Variants in MTHFD1L observed in about 807,000 individuals in gnomAD.
MTHFD1L encodes methylenetetrahydrofolate dehydrogenase (NADP+ dependent) 1 like, also known as monofunctional C1-tetrahydrofolate synthase, mitochondrial.
MTHFD1L carries 81 observed loss-of-function variants against 119.5 expected under a neutral mutation model. The observed-to-expected ratio is 0.68, with a 90% CI of 0.57 to 0.82. MTHFD1L has a LOEUF of 0.82. Ranked by LOEUF, MTHFD1L falls within the 40% of genes least tolerant of loss-of-function variation. The pLI, the probability that MTHFD1L is intolerant of heterozygous loss-of-function variation, is 0.00. For synonymous variants in MTHFD1L, 430 were observed against 475.2 expected (o/e 0.90, Z 1.24); for missense variants, 1,125 against 1,253.4 (o/e 0.90, Z 1.55).
chr6:150,966,802 C>T (rs1362750460), intron 19 of MTHFD1L, among the ~76,000 whole-genome samples: 3 of 152,018 alleles, frequency 2.0e-5, no homozygotes, highest in Admixed American at 6.6e-5. Context: ...CCAGCCTGGG[C>T]GACAGAGTGA....
intron 18 of MTHFD1L, among the ~76,000 whole-genome samples, chr6:150,961,089 C>CTTTTT (rs35978918): frequency 7.1e-5 from 8 of 113,410 alleles, no homozygotes; most frequent in Non-Finnish European, 1.3e-4. Context: ...TTCCTGTTAA[C>CTTTTT]TTTTTTTTTT....
At chr6:151,000,321 G>A (rs1186685496) in intron 20 of MTHFD1L, among the ~76,000 whole-genome samples, 13 of 148,882 alleles carry the variant, frequency 8.7e-5, no homozygotes, top group African/African-American at 3.2e-4. Context: ...TGGCAACAGG[G>A]AGAGACTCTG....
chr6:150,910,981 T>C (rs998349694), intron 8 of MTHFD1L, among the ~76,000 whole-genome samples: 5 of 152,250 alleles, frequency 3.3e-5, no homozygotes, highest in African/African-American at 9.6e-5. Context: ...TTAGGATCTT[T>C]GCTTGTGACT....
chr6:150,916,808 G>T (rs1462225059), intron 8 of MTHFD1L, among the ~76,000 whole-genome samples: 1 of 116,090 alleles, frequency 8.6e-6, no homozygotes. Flanking sequence ...TGTTGCCCAG[G>T]CTGGAGAGCA....
intron 27 of MTHFD1L, among the ~76,000 whole-genome samples, chr6:151,099,044 C>T (rs1466689071): frequency 2.0e-5 from 3 of 152,046 alleles, no homozygotes; most frequent in Admixed American, 6.6e-5. Context: ...GGCATGGTGG[C>T]GGGTACCTGT....
intron 21 of MTHFD1L, among the ~76,000 whole-genome samples, chr6:151,012,517 CT>C (rs1782441548): frequency 6.6e-6 from 1 of 151,820 alleles, no homozygotes; most frequent in African/African-American, 2.4e-5. Flanking sequence ...TCTTGTGGCC[CT>C]TGAATTTGCC....
chr6:151,065,464 A>C (rs1791130489), intron 26 of MTHFD1L, among the ~76,000 whole-genome samples: 1 of 152,178 alleles, frequency 6.6e-6, no homozygotes. Flanking sequence ...GAAAGAGGGG[A>C]TGGATTGACC....
intron 26 of MTHFD1L, among the ~76,000 whole-genome samples, chr6:151,049,030 G>A (rs1788555793): frequency 6.6e-6 from 1 of 152,176 alleles, no homozygotes; most frequent in African/African-American, 2.4e-5. Flanking sequence ...GCAAATCCAG[G>A]CCATGCATAC....
rs940415851 is a variant in MTHFD1L, at chr6:150,888,106, C to T, written c.780+125C>T. 5 of 1,019,868 alleles carry T rather than the reference C, an allele frequency of 4.9e-6. No homozygotes were observed. The Admixed American group carries it at 1.5e-4, about 31-fold the overall frequency. 63.2% of individuals were successfully genotyped at this position (1,019,868 alleles called of 1,614,324 possible). Reference sequence around the variant, plus strand: ...GAAGAAAATTGAATAGACCCATATCCATTAAAGACATTGAATGAGTCTACT... The same window carrying T: ...GAAGAAAATTGAATAGACCCATATCTATTAAAGACATTGAATGAGTCTACT... On this transcript the variant is annotated intron_variant, in intron 7 of 27. Coordinates refer to ENST00000367321, the MANE Select transcript of MTHFD1L (RefSeq NM_015440.5).
chr6:150,886,031 A>G (rs1782195654), intron 6 of MTHFD1L, among the ~76,000 whole-genome samples: 1 of 152,252 alleles, frequency 6.6e-6, no homozygotes, highest in African/African-American at 2.4e-5. Flanking sequence ...TGTTTTAAAC[A>G]TGCTCAATTT....
In MTHFD1L at chr6:151,037,044, G is replaced by A; in HGVS notation, c.2774G>A (p.Arg925Lys). Residue 925 changes from arginine (R) to lysine (K), a missense_variant, in exon 26 of 28, where the codon AGG (arginine) becomes AAG (lysine). By Grantham distance (26) the Arg-to-Lys change is conservative. This residue lies in a region of MTHFD1L where 61 missense variants were observed against 78.9 expected (regional missense o/e 0.77). Transcript: ENST00000367321. Reference sequence around the variant, plus strand: ...CAACCTGACAAAAAAGGTGTGCCAAGGGACTTCATCTTACCTATCAGTGAC... The same window carrying A: ...CAACCTGACAAAAAAGGTGTGCCAAAGGACTTCATCTTACCTATCAGTGAC... Reference protein sequence around the residue: ...SHQPDKKGVPRDFILPISDVR... With the variant: ...SHQPDKKGVPKDFILPISDVR... The A allele has an allele frequency of 6.2e-7, 1 of 1,611,986 alleles. No homozygotes were observed. Among genetic ancestry groups the A allele is most frequent in the South Asian group, 1.1e-5 (1 of 90,984 alleles).
At chr6:150,919,102 G>T (rs547109111) in intron 9 of MTHFD1L, among the ~76,000 whole-genome samples, 1 of 151,528 alleles carries the variant, frequency 6.6e-6, no homozygotes, top group East Asian at 2.0e-4. Context: ...GACAGAGGTT[G>T]TGGTGAGCTG....
At chr6:150,891,718 TG>T (rs1193011408) in intron 7 of MTHFD1L, among the ~76,000 whole-genome samples, 1 of 152,096 alleles carries the variant, frequency 6.6e-6, no homozygotes, top group African/African-American at 2.4e-5. Flanking sequence ...TTTCTTAAAC[TG>T]GGCAATAGGT....
intron 26 of MTHFD1L, among the ~76,000 whole-genome samples, chr6:151,051,882 C>T (rs1401523305): frequency 2.0e-5 from 3 of 152,210 alleles, no homozygotes; most frequent in Admixed American, 1.3e-4. Flanking sequence ...ACCCTGGCTG[C>T]GCCCTCCTGA....
rs773706693 is a variant in MTHFD1L, at chr6:150,865,775, C to T, written c.-48C>T. 4.8e-6 allele frequency: 6 copies of T among 1,245,804 alleles called. No individual in the cohort carries two copies. In the South Asian group the frequency reaches 1.0e-4, roughly 21 times the overall value. The allele number at this position is 1,245,804 out of a possible 1,614,324, so 77.2% of individuals were successfully genotyped here. A position where few individuals can be genotyped will look rare whatever the true frequency, so the allele number is the denominator to read the frequency against. ...CTCCCCTGGCACGCGCCCCGCCGCC[C>T]TCGGCAGCCGCAGCTCCGTGTCCCC... On this transcript the variant is annotated 5_prime_UTR_variant, in exon 1 of 28. Coordinates refer to ENST00000367321, the MANE Select transcript of MTHFD1L (RefSeq NM_015440.5).
Position 150,944,589 on chromosome 6 carries a change from A to G in MTHFD1L, c.1544A>G (p.Asp515Gly). The G allele has an allele frequency of 1.9e-6, 3 of 1,611,858 alleles. No individual in the cohort carries two copies. Among genetic ancestry groups the G allele is most frequent in the African/African-American group, 1.3e-5 (1 of 75,028 alleles). Reference sequence around the variant, plus strand: ...ATTCTTCATGAAAACACGCAAACAGATAAGGTGAGAAGGATGCCTTGCTAG... The same window carrying G: ...ATTCTTCATGAAAACACGCAAACAGGTAAGGTGAGAAGGATGCCTTGCTAG... The part of the protein sequence containing the change: ...TRILHENTQT[D>G]KALYNRLVPL... Residue 515 changes from aspartate (D) to glycine (G), a missense_variant, in exon 14 of 28, where the codon GAT becomes GGT. Coordinates refer to ENST00000367321, the MANE Select transcript of MTHFD1L (RefSeq NM_015440.5).
intron 12 of MTHFD1L, among the ~76,000 whole-genome samples, chr6:150,938,046 C>G (rs1473061702): frequency 6.6e-6 from 1 of 152,140 alleles, no homozygotes; most frequent in African/African-American, 2.4e-5. Flanking sequence ...GAGACAGAGT[C>G]TCACTTGGTT....
intron 27 of MTHFD1L, among the ~76,000 whole-genome samples, chr6:151,096,909 A>C (rs933473466): frequency 6.6e-6 from 1 of 152,192 alleles, no homozygotes; most frequent in African/African-American, 2.4e-5. Context: ...CCCTCTTCCC[A>C]AGACTTCTCT....
At chr6:150,899,995 T>TATA (rs1428036735) in intron 7 of MTHFD1L, among the ~76,000 whole-genome samples, 1 of 147,456 alleles carries the variant, frequency 6.8e-6, no homozygotes, top group Non-Finnish European at 1.5e-5. Context: ...ATATATATAT[T>TATA]TTTTATATTA....
Sources: allele counts gnomAD v4.1 joint callset (sites outside exome capture counted in the v4.1 genomes callset), GRCh38; gene constraint gnomAD v4.1.1; regional missense constraint gnomAD v4.1.1; transcripts MANE v1.5; gene names NCBI Gene and HGNC (gene_info 2026-07-23, HGNC 2026-07-21).